The following GNAL variants were observed in gnomAD, a reference collection of about 807,000 sequenced individuals.
The protein encoded by GNAL is G protein subunit alpha L.
GNAL carries 18 observed loss-of-function variants against 55.1 expected under a neutral mutation model. The ratio of observed to expected loss-of-function variants is 0.33; its 90% CI spans 0.23 to 0.48. GNAL has a LOEUF of 0.48. Among genes scored for constraint, GNAL ranks in the 20% least tolerant of loss-of-function variants. The probability of loss-of-function intolerance (pLI) is 0.99; values close to 1 mark genes in which losing one functional copy is unlikely to be tolerated. For missense variants in GNAL, 412 were observed against 614.1 expected, an observed-to-expected ratio of 0.67 and a Z score of 3.48; for synonymous variants, 253 against 237.0, an observed-to-expected ratio of 1.07 and a Z score of -0.62.
intron 1 of GNAL, among the ~76,000 whole-genome samples, chr18:11,727,508 G>A (rs2032240756): frequency 6.6e-6 from 1 of 152,236 alleles, no homozygotes; most frequent in South Asian, 2.1e-4. Flanking sequence ...CGGATGGGCT[G>A]CAGCTTCTGC....
chr18:11,852,907 T>C (rs2035914611), intron 5 of GNAL: 2 of 167,186 alleles, frequency 1.2e-5, no homozygotes, highest in South Asian at 4.1e-4. Flanking sequence ...GACAGTGTCT[T>C]TCAAACGAAC....
intron 4 of GNAL, among the ~76,000 whole-genome samples, chr18:11,823,691 T>C (rs1006949131): frequency 6.6e-6 from 1 of 152,180 alleles, no homozygotes; most frequent in African/African-American, 2.4e-5. Flanking sequence ...TGTTGATTCC[T>C]AGAAATGTGG....
intron 1 of GNAL, among the ~76,000 whole-genome samples, chr18:11,721,747 A>G (rs1180965176): frequency 6.6e-6 from 1 of 151,232 alleles, no homozygotes; most frequent in Non-Finnish European, 1.5e-5. Context: ...GGTTTTCACC[A>G]TGTTGGCTAG....
At chr18:11,702,089 G>A (rs1196381333) in intron 1 of GNAL, 1 of 152,272 alleles carries the variant, frequency 6.6e-6, no homozygotes, top group African/African-American at 2.4e-5. Flanking sequence ...GGAGCATCTA[G>A]AGGGCGTGAT....
At chr18:11,825,056 A>C in intron 5 of GNAL, 41 bp downstream of exon 5, 1 of 1,017,366 alleles carries the variant, frequency 9.8e-7, no homozygotes, top group Non-Finnish European at 1.5e-6. Context: ...CCTTTGAAGA[A>C]TATGATTGCA....
intron 1 of GNAL, among the ~76,000 whole-genome samples, chr18:11,691,230 A>T (rs1187168571): frequency 2.0e-5 from 3 of 151,438 alleles, no homozygotes; most frequent in South Asian, 4.2e-4. Flanking sequence ...GCATTTTTTC[A>T]TGTGTGTTTT....
At position 11,751,613 on chromosome 18, in the gene GNAL, C is replaced by T. The variant is rs2032831430; in HGVS notation, c.377-1240C>T. 5.1e-6 allele frequency: 5 copies of T among 985,414 alleles called. No individual in the cohort carries two copies. Among genetic ancestry groups the T allele is most frequent in the Non-Finnish European group, 4.8e-6 (4 of 829,936 alleles). The allele number at this position is 985,414 out of a possible 1,614,324, so 61.0% of individuals were successfully genotyped here. ...CGTCCGAGCCAACACGGGGCGCGCG[C>T]CCAGACGCACTTTCCCGGCTCGGGG... On this transcript the variant is annotated intron_variant, in intron 1 of 11. Coordinates refer to ENST00000334049, the MANE Select transcript of GNAL (RefSeq NM_182978.4). This position sits in a 1 kb window ranked among gnomAD's most constrained non-coding sequence, Gnocchi z 4.5.
intron 4 of GNAL, among the ~76,000 whole-genome samples, chr18:11,780,892 T>C (rs1439366600): frequency 1.3e-5 from 2 of 152,204 alleles, no homozygotes; most frequent in African/African-American, 4.8e-5. Context: ...CTTACACATT[T>C]CTGATCACTC....
intron 5 of GNAL, 44 bp from the exon 6 acceptor site, chr18:11,862,351 G>A (rs563741619): frequency 5.9e-6 from 9 of 1,518,644 alleles, no homozygotes; most frequent in Non-Finnish European, 7.3e-6. Flanking sequence ...CCAGGGGAAA[G>A]TGGGCAGAGA....
chr18:11,814,129 T>TAATCCCAGCACTTTGGG (rs2034892732), intron 4 of GNAL, among the ~76,000 whole-genome samples: 1 of 152,174 alleles, frequency 6.6e-6, no homozygotes. Context: ...TACTAAGTGG[T>TAATCCCAGCACTTTGGG]AGGCAAATAT....
In GNAL at chr18:11,757,327, C is replaced by G. The variant is rs183376044; in HGVS notation, c.624+3382C>G. 5.0e-3 allele frequency among the ~76,000 whole-genome samples: 749 copies of G among 150,892 alleles called. 8 individuals are homozygous for G. Among genetic ancestry groups the G allele is most frequent in the Non-Finnish European group, 5.5e-3 (372 of 67,912 alleles). On this transcript the variant is annotated intron_variant, in intron 4 of 11. Coordinates refer to ENST00000334049, the MANE Select transcript of GNAL (RefSeq NM_182978.4). Reference sequence around the variant, plus strand: ...TACAGGCCAGGTGTGTCCAGACACACGAAGCTTTGGAGGGTTCTAAGCAGT... The same window carrying G: ...TACAGGCCAGGTGTGTCCAGACACAGGAAGCTTTGGAGGGTTCTAAGCAGT...
intron 5 of GNAL, among the ~76,000 whole-genome samples, chr18:11,846,719 G>A (rs1171063247): frequency 6.6e-6 from 1 of 151,558 alleles, no homozygotes; most frequent in African/African-American, 2.4e-5. Context: ...AGTGACTTTG[G>A]TTTTGTTTTG....
intron 4 of GNAL, among the ~76,000 whole-genome samples, chr18:11,781,478 A>G (rs1323371809): frequency 6.6e-6 from 1 of 152,242 alleles, no homozygotes; most frequent in African/African-American, 2.4e-5. Flanking sequence ...ACACTGCTAC[A>G]TCAAGAATAG....
chr18:11,806,909 C>T (rs186865628), intron 4 of GNAL, among the ~76,000 whole-genome samples: 33 of 152,140 alleles, frequency 2.2e-4, no homozygotes, highest in South Asian at 6.2e-4. Context: ...TCAAGTGATC[C>T]GCCCGCCTCG....
chr18:11,751,569 C>T lies in GNAL; in HGVS notation c.377-1284C>T. 2.0e-6 allele frequency: 2 copies of T among 985,438 alleles called. No homozygotes were observed. The highest frequency in any genetic ancestry group is 2.4e-6 in the Non-Finnish European group (2 of 829,934). 61.0% of individuals were successfully genotyped at this position (985,438 alleles called of 1,614,324 possible). A position where few individuals can be genotyped will look rare whatever the true frequency, so the allele number is the denominator to read the frequency against. ...ATGCATGATCCTCCGCGAGTCTTCG[C>T]CCGCCAGGAGCAGGGACGCGTCCGA... On this transcript the variant is annotated intron_variant, in intron 1 of 11. Transcript: ENST00000334049. The surrounding 1 kb of genome is among the most constrained non-coding windows in gnomAD (Gnocchi z 4.5).
At chr18:11,691,236 GT>G (rs1432098203) in intron 1 of GNAL, among the ~76,000 whole-genome samples, 1 of 147,106 alleles carries the variant, frequency 6.8e-6, no homozygotes, top group Non-Finnish European at 1.5e-5. Flanking sequence ...TTTCATGTGT[GT>G]TTTGGCTGCA....
chr18:11,823,600 A>T (rs1336829235), intron 4 of GNAL, among the ~76,000 whole-genome samples: 2 of 152,234 alleles, frequency 1.3e-5, no homozygotes, highest in African/African-American at 4.8e-5. Context: ...AACCCCTCAC[A>T]GTGCTTGGAT....
At chr18:11,849,877 G>C (rs1477240515) in intron 5 of GNAL, among the ~76,000 whole-genome samples, 2 of 152,236 alleles carry the variant, frequency 1.3e-5, no homozygotes, top group Admixed American at 6.5e-5. Context: ...CAGAGCGCCT[G>C]CTGGGCTCCA....
chr18:11,753,150 G>A (rs764060574), intron 2 of GNAL, among the ~76,000 whole-genome samples: 3 of 152,024 alleles, frequency 2.0e-5, no homozygotes, highest in Non-Finnish European at 4.4e-5. Context: ...TGATTTATAG[G>A]TATTCTTGGA....
Sources: allele counts gnomAD v4.1 joint callset (sites outside exome capture counted in the v4.1 genomes callset), GRCh38; gene constraint gnomAD v4.1.1; non-coding constraint Gnocchi (gnomAD v3.1); transcripts MANE v1.5; gene names NCBI Gene and HGNC (gene_info 2026-07-23, HGNC 2026-07-21).